RNF135: variants seen among roughly 807,000 people sequenced by gnomAD.
The protein encoded by RNF135 is ring finger protein 135.
A neutral mutation model predicts 41.9 loss-of-function variants in RNF135; 46 were observed. The ratio of observed to expected loss-of-function variants is 1.10; its 90% CI spans 0.87 to 1.40. RNF135 has a LOEUF of 1.40. RNF135 is among the 40% of genes most tolerant of loss of function. The pLI, the probability that RNF135 is intolerant of heterozygous loss-of-function variation, is 0.00. For synonymous variants in RNF135, 238 were observed against 223.8 expected (o/e 1.06, Z -0.57); for missense variants, 539 against 549.8 (o/e 0.98, Z 0.20).
At chr17:30,988,370 C>T (rs1012623529) in intron 3 of RNF135, among the ~76,000 whole-genome samples, 1 of 146,992 alleles carries the variant, frequency 6.8e-6, no homozygotes, top group Non-Finnish European at 1.5e-5. Flanking sequence ...CCTTACTGAT[C>T]AAGTGTGTTA....
intron 1 of RNF135, among the ~76,000 whole-genome samples, chr17:30,983,338 TATATA>T (rs1332671602): frequency 1.6e-3 from 49 of 30,730 alleles, no homozygotes; most frequent in Non-Finnish European, 2.8e-3. Flanking sequence ...TATATATATA[TATATA>T]TATATATATA....
chr17:30,971,237 G>T lies in RNF135; in HGVS notation c.164G>T (p.Arg55Leu). 6.6e-7 allele frequency: 1 copy of T among 1,513,968 alleles called. No homozygotes were observed. The allele number at this position is 1,513,968 out of a possible 1,614,324, so 93.8% of individuals were successfully genotyped here. ...LEALWGARDARRWACPTCRQG... is the reference protein window; with the variant it reads ...LEALWGARDALRWACPTCRQG... The stretch of plus-strand genomic sequence containing the variant: ...GCCCTGTGGGGCGCCCGCGACGCCC[G>T]CCGCTGGGCCTGCCCCACTTGCCGC... Residue 55 changes from arginine (R) to leucine (L), a missense_variant, in exon 1 of 5, where the codon CGC (arginine) becomes CTC (leucine). Transcript: ENST00000328381.
At chr17:30,975,024 C>G (rs1183059588) in intron 1 of RNF135, among the ~76,000 whole-genome samples, 1 of 151,810 alleles carries the variant, frequency 6.6e-6, no homozygotes. Context: ...TGTCATGGCT[C>G]ACACTTACAA....
At chr17:30,970,712 T>G, upstream of RNF135, 12 of 294,196 alleles carry the variant, frequency 4.1e-5, no homozygotes, top group Middle Eastern at 1.1e-3. Context: ...ATCTTTTTTG[T>G]TGTTTATTTT....
chr17:30,998,842 T>G lies in RNF135; in HGVS notation c.950T>G (p.Val317Gly), dbSNP rs1299986455. The change falls in exon 5 of 5, where the codon GTG becomes GGG. Residue 317 changes from valine (V) to glycine (G), a missense_variant. Around this residue, in one of 2 missense-constraint regions of RNF135, gnomAD observed 262 missense variants for 336.9 expected, o/e 0.78. Transcript: ENST00000328381. ...ALSSGKHYWE[V>G]DTRNCSHWAV... Reference sequence around the variant, plus strand: ...TCTTCTGGAAAGCATTACTGGGAAGTGGACACTAGGAATTGCAGCCACTGG... The same window carrying G: ...TCTTCTGGAAAGCATTACTGGGAAGGGGACACTAGGAATTGCAGCCACTGG... 1 of 1,613,130 alleles carries G rather than the reference T, an allele frequency of 6.2e-7. No homozygotes were observed. The highest frequency in any genetic ancestry group is 8.5e-7 in the Non-Finnish European group (1 of 1,179,522).
chr17:30,997,365 G>A (rs1908422402), intron 4 of RNF135, 34 bp downstream of exon 4: 1 of 1,575,320 alleles, frequency 6.3e-7, no homozygotes, highest in Non-Finnish European at 8.7e-7. Flanking sequence ...CATGGGTTTG[G>A]CTTGCCGCAG....
chr17:30,980,986 C>G lies in RNF135; in HGVS notation c.373-3631C>G, dbSNP rs1010427517. ...GGCGGCCGGGCAGAGGCTGCAATCT[C>G]GGCTCTTTGGGAGGCCAAGGCAGGC... On this transcript the variant is annotated intron_variant, in intron 1 of 4. Transcript: ENST00000328381. 9.7e-4 allele frequency among the ~76,000 whole-genome samples: 144 copies of G among 148,126 alleles called. 1 individual carries two copies. The highest frequency in any genetic ancestry group is 6.0e-4 in the Non-Finnish European group (40 of 66,872).
intron 2 of RNF135, among the ~76,000 whole-genome samples, chr17:30,985,287 T>A (rs536300786): frequency 1.3e-5 from 2 of 152,312 alleles, no homozygotes; most frequent in South Asian, 4.1e-4. Context: ...AATGACCACC[T>A]CTATGCACAA....
chr17:30,980,008 G>A (rs1447016803), intron 1 of RNF135, among the ~76,000 whole-genome samples: 1 of 120,446 alleles, frequency 8.3e-6, no homozygotes, highest in Admixed American at 7.5e-5. Flanking sequence ...CCTCCCTCCC[G>A]GACGGGGCGG....
chr17:30,983,320 C>CGTATATATATATAT (rs1194225611), intron 1 of RNF135, among the ~76,000 whole-genome samples: 1 of 37,070 alleles, frequency 2.7e-5, no homozygotes, highest in Non-Finnish European at 6.5e-5. Flanking sequence ...CATATATGTA[C>CGTATATATATATAT]ATATATATAT....
chr17:30,994,285 G>A (rs1202030393), intron 3 of RNF135, among the ~76,000 whole-genome samples: 1 of 152,160 alleles, frequency 6.6e-6, no homozygotes, highest in Non-Finnish European at 1.5e-5. Flanking sequence ...GCTCATGCCT[G>A]TAATCCCAGC....
chr17:30,987,597 C>A (rs1364733649), intron 2 of RNF135, among the ~76,000 whole-genome samples: 1 of 152,072 alleles, frequency 6.6e-6, no homozygotes, highest in Non-Finnish European at 1.5e-5. Context: ...TTTATAAAGC[C>A]CCTATAAGAT....
chr17:30,978,181 G>A (rs1906633457), intron 1 of RNF135, among the ~76,000 whole-genome samples: 1 of 151,944 alleles, frequency 6.6e-6, no homozygotes, highest in African/African-American at 2.4e-5. Context: ...CTTAACCTTT[G>A]GGAGTTTTAT....
At chr17:30,983,338 TATATATATATA>T (rs1219035121) in intron 1 of RNF135, among the ~76,000 whole-genome samples, 390 of 30,716 alleles carry the variant, frequency 0.013, 12 homozygotes, top group African/African-American at 0.029. Flanking sequence ...TATATATATA[TATATATATATA>T]TATATTTTTT....
At chr17:30,985,294 A>G (rs1907507036) in intron 2 of RNF135, among the ~76,000 whole-genome samples, 1 of 152,136 alleles carries the variant, frequency 6.6e-6, no homozygotes, top group African/African-American at 2.4e-5. Context: ...ACCTCTATGC[A>G]CAAATAATAG....
chr17:30,983,342 TATATA>T (rs1293253590), intron 1 of RNF135, among the ~76,000 whole-genome samples: 515 of 37,892 alleles, frequency 0.014, 5 homozygotes, highest in African/African-American at 0.032. Flanking sequence ...TATATATATA[TATATA>T]TATATATTTT....
the RNF135 span, among the ~76,000 whole-genome samples, chr17:30,962,937 G>A: frequency 1.3e-5 from 2 of 152,024 alleles, no homozygotes; most frequent in Middle Eastern, 3.2e-3. Flanking sequence ...GGTGTTGTCA[G>A]TATTTTTTAT....
intron 1 of RNF135, chr17:30,971,834 A>C: frequency 1.9e-6 from 1 of 517,652 alleles, no homozygotes; most frequent in Non-Finnish European, 2.6e-6. Context: ...CCCAGGCTGG[A>C]TGGAGTGCAA....
upstream of RNF135, among the ~76,000 whole-genome samples, chr17:30,968,618 G>C (rs1414780114): frequency 6.6e-6 from 1 of 151,660 alleles, no homozygotes; most frequent in Admixed American, 6.6e-5. Flanking sequence ...TCAATCTCCT[G>C]ACCTCATGAT....
Sources: gnomAD v4.1 joint callset for allele counts (sites outside exome capture counted in the v4.1 genomes callset) on GRCh38, gnomAD v4.1.1 for gene constraint, gnomAD v4.1.1 regional missense constraint, MANE v1.5 for transcripts, NCBI Gene and HGNC (gene_info 2026-07-23, HGNC 2026-07-21) for gene names.